The following DLGAP2 variants were observed in gnomAD, a reference collection of about 807,000 sequenced individuals.
DLGAP2 encodes disks large-associated protein 2.
Under a neutral mutation model 100.3 loss-of-function variants are expected in DLGAP2, and 26 were observed. That is an observed-to-expected ratio of 0.26 (90% CI 0.19 to 0.36). The LOEUF is 0.36. Ranked by LOEUF, DLGAP2 falls within the 10% of genes least tolerant of loss-of-function variation. The pLI, the probability that DLGAP2 is intolerant of heterozygous loss-of-function variation, is 1.00. For missense variants in DLGAP2, 1,858 were observed against 1,453.2 expected (o/e 1.28, Z -4.53); for synonymous variants, 886 against 630.1 (o/e 1.41, Z -6.08).
chr8:1,308,053 G>A lies in DLGAP2; in HGVS notation c.106+49170G>A, dbSNP rs149992400. The stretch of plus-strand genomic sequence containing the variant: ...AAAGAACCCATGTACATGGGGGAAC[G>A]CACAAAGCTGTGCATACACCAGGTC... On this transcript the variant is annotated intron_variant, in intron 3 of 14. Transcript: ENST00000637795. 9.2e-5 allele frequency among the ~76,000 whole-genome samples: 14 copies of A among 152,230 alleles called. No homozygotes were observed. The East Asian group carries it at 2.1e-3, about 23-fold the overall frequency.
chr8:1,042,419 G>A (rs1250778761), intron 2 of DLGAP2, among the ~76,000 whole-genome samples: 1 of 152,230 alleles, frequency 6.6e-6, no homozygotes, highest in Admixed American at 6.5e-5. Context: ...ATCTGACCTT[G>A]AATCTGTCAG....
chr8:746,998 C>T (rs1339229320), intron 1 of DLGAP2, among the ~76,000 whole-genome samples: 1 of 152,142 alleles, frequency 6.6e-6, no homozygotes, highest in Non-Finnish European at 1.5e-5. Flanking sequence ...CACATCTCAC[C>T]ATGTCCGAGC....
At chr8:1,179,988 G>A (rs1376311161) in intron 2 of DLGAP2, among the ~76,000 whole-genome samples, 2 of 152,106 alleles carry the variant, frequency 1.3e-5, no homozygotes, top group African/African-American at 2.4e-5. Context: ...TAAAATACTT[G>A]GTGTTTTATA....
intron 2 of DLGAP2, among the ~76,000 whole-genome samples, chr8:1,089,492 C>G (rs762288758): frequency 6.6e-5 from 10 of 152,236 alleles, no homozygotes; most frequent in Non-Finnish European, 1.2e-4. Context: ...CCCAGGGTCT[C>G]TCCTGCTGCC....
At chr8:1,192,081 G>C (rs1468966572) in intron 2 of DLGAP2, among the ~76,000 whole-genome samples, 3 of 152,144 alleles carry the variant, frequency 2.0e-5, no homozygotes, top group African/African-American at 7.2e-5. Flanking sequence ...ATGGATTTGA[G>C]GTGTGCGTGG....
chr8:1,661,212 G>T (rs1256112406), intron 8 of DLGAP2, among the ~76,000 whole-genome samples: 2 of 152,206 alleles, frequency 1.3e-5, no homozygotes, highest in African/African-American at 4.8e-5. Flanking sequence ...CTCATTCTCA[G>T]CCTGCTGGGC....
At chr8:1,696,237 C>T (rs1239958230) in intron 13 of DLGAP2, among the ~76,000 whole-genome samples, 1 of 152,182 alleles carries the variant, frequency 6.6e-6, no homozygotes, top group Non-Finnish European at 1.5e-5. Flanking sequence ...CACGGTGGCT[C>T]ACCCTGTAAT....
intron 12 of DLGAP2, chr8:1,688,534 G>A (rs560398313): frequency 6.0e-4 from 92 of 152,288 alleles, no homozygotes; most frequent in African/African-American, 2.1e-3. Context: ...GGTGGTCGCA[G>A]GTAAAGGCCT....
intron 4 of DLGAP2, among the ~76,000 whole-genome samples, chr8:1,525,131 A>G (rs1418842042): frequency 1.4e-5 from 2 of 144,796 alleles, no homozygotes; most frequent in African/African-American, 5.1e-5. Flanking sequence ...AGCTGTTGTT[A>G]GGTCTCCTGA....
At chr8:873,766 A>G (rs189047429) in intron 1 of DLGAP2, among the ~76,000 whole-genome samples, 1 of 152,170 alleles carries the variant, frequency 6.6e-6, no homozygotes, top group Non-Finnish European at 1.5e-5. Flanking sequence ...TGTTCTTTAA[A>G]TAGATATAAA....
At chr8:985,635 A>G (rs185447363) in intron 2 of DLGAP2, among the ~76,000 whole-genome samples, 3 of 152,382 alleles carry the variant, frequency 2.0e-5, no homozygotes, top group Non-Finnish European at 4.4e-5. Flanking sequence ...ATGAAATTCT[A>G]GTAAGTACAA....
chr8:1,254,987 TGTGTGTCCTCTCATCCTGCTTGGGCG>T (rs1799149129), intron 2 of DLGAP2, among the ~76,000 whole-genome samples: 2 of 124,630 alleles, frequency 1.6e-5, no homozygotes, highest in African/African-American at 7.2e-5. Context: ...GGGTGCTGTG[TGTGTGTCCTCTCATCCTGCTTGGGCG>T]CTGTGTGTGT....
At chr8:1,140,503 G>T (rs532133936) in intron 2 of DLGAP2, among the ~76,000 whole-genome samples, 15 of 152,248 alleles carry the variant, frequency 9.9e-5, no homozygotes, top group African/African-American at 3.6e-4. Context: ...CTGCTCAGAG[G>T]CCTCCTGGGG....
intron 1 of DLGAP2, among the ~76,000 whole-genome samples, chr8:829,024 G>C (rs1205257392): frequency 6.6e-6 from 1 of 152,184 alleles, no homozygotes; most frequent in African/African-American, 2.4e-5. Context: ...ATTTTTTAAA[G>C]TGTGTTTAGC....
chr8:1,312,845 C>T (rs1471708735), intron 3 of DLGAP2, among the ~76,000 whole-genome samples: 3 of 152,164 alleles, frequency 2.0e-5, no homozygotes, highest in Non-Finnish European at 4.4e-5. Flanking sequence ...AAAATGAACG[C>T]GAGTGTCCAT....
At chr8:1,477,230 C>A (rs1337972181) in intron 3 of DLGAP2, among the ~76,000 whole-genome samples, 1 of 152,226 alleles carries the variant, frequency 6.6e-6, no homozygotes, top group African/African-American at 2.4e-5. Context: ...CACCCACCCT[C>A]TTTGCCTAGG....
Position 1,648,123 on chromosome 8 carries a change from C to T in DLGAP2, c.1810+15077C>T, listed in dbSNP as rs143377964. On this transcript the variant is annotated intron_variant, in intron 8 of 14. Coordinates refer to ENST00000637795, the MANE Select transcript of DLGAP2 (RefSeq NM_001346810.2). ...CCAGGCTCAATAAATATTGGTTCAA[C>T]GTATGAGTGAGTGATTTGAAAATTT... Among the ~76,000 whole-genome samples the T allele has an allele frequency of 1.1e-4, 17 of 152,290 alleles. No homozygotes were observed. The East Asian group carries it at 1.5e-3, about 14-fold the overall frequency.
chr8:1,203,396 A>C (rs550187326), intron 2 of DLGAP2, among the ~76,000 whole-genome samples: 4 of 151,986 alleles, frequency 2.6e-5, no homozygotes, highest in Admixed American at 6.5e-5. Flanking sequence ...GAGGCCGCCC[A>C]CCCTTCGGTG....
intron 1 of DLGAP2, among the ~76,000 whole-genome samples, chr8:793,450 G>T (rs1007519665): frequency 1.8e-4 from 27 of 152,160 alleles, no homozygotes; most frequent in African/African-American, 6.0e-4. Flanking sequence ...TGCTCTCCTT[G>T]GGCTGCCATA....
Sources: allele counts gnomAD v4.1 joint callset (sites outside exome capture counted in the v4.1 genomes callset), GRCh38; gene constraint gnomAD v4.1.1; transcripts MANE v1.5; gene names NCBI Gene and HGNC (gene_info 2026-07-23, HGNC 2026-07-21).